Variants in EMC1 observed in about 807,000 individuals in gnomAD.
EMC1 encodes the protein KIAA0090.
Under a neutral mutation model 128.8 loss-of-function variants are expected in EMC1, and 103 were observed. The observed-to-expected ratio is 0.80, with a 90% CI of 0.68 to 0.94. The LOEUF (loss-of-function observed/expected upper bound fraction) is 0.94, where lower values mean the gene tolerates loss of function less well. Ranked by LOEUF, EMC1 falls within the 40% of genes least tolerant of loss-of-function variation. The pLI is 0.00. For missense variants in EMC1, 1,083 were observed against 1,250.6 expected (o/e 0.87, Z 2.02); for synonymous variants, 442 against 490.4 (o/e 0.90, Z 1.30).
intron 4 of EMC1, among the ~76,000 whole-genome samples, chr1:19,243,030 G>A (rs981288523): frequency 6.6e-6 from 1 of 152,220 alleles, no homozygotes; most frequent in Non-Finnish European, 1.5e-5. Flanking sequence ...GGGGTCAGGA[G>A]TTCGAGACCA....
At chr1:19,220,566 T>C (rs1480124855) in intron 21 of EMC1, 198 bp downstream of exon 21, 4 of 447,052 alleles carry the variant, frequency 8.9e-6, no homozygotes, top group Non-Finnish European at 1.6e-5. Context: ...TTTTACTTGT[T>C]TATCTTATGT....
At position 19,238,092 on chromosome 1, in the gene EMC1, G is replaced by A. The variant is rs201404380; in HGVS notation, c.1137C>T (p.Leu379=). ...FNQTYTINLY[L]VETGRRLLDT... is the part of the protein sequence containing the mutation. ...CCAGCAGCCGCCGACCTGTCTCCAC[G>A]AGGTATAGGTTAATGGTGTAGGTCT... Residue 379 remains leucine, a synonymous_variant, in exon 11 of 23, where the codon CTC becomes CTT. Coordinates refer to ENST00000477853, the MANE Select transcript of EMC1 (RefSeq NM_015047.3). 77 of 1,614,012 alleles carry A rather than the reference G, an allele frequency of 4.8e-5. No homozygotes were observed. The highest frequency in any genetic ancestry group is 6.0e-5 in the Non-Finnish European group (71 of 1,180,016).
rs1373361040 is a variant in EMC1 at position 19,230,877 on chromosome 1, C to G, written c.2031G>C (p.Glu677Asp). 1 of 1,614,218 alleles carries G rather than the reference C, an allele frequency of 6.2e-7. No individual in the cohort carries two copies. Among genetic ancestry groups the G allele is most frequent in the Non-Finnish European group, 8.5e-7 (1 of 1,180,042 alleles). ...GCCGATATCCACACAGCCGTCCCTG[C>G]TCTGCATCCACCAAATAGAAGAAGA... ...PSIFFYLVDA[E>D]QGRLCGYRLR... The change falls in exon 17 of 23, where the codon GAG becomes GAC. Residue 677 changes from glutamate (E) to aspartate (D), a missense_variant. By Grantham distance (45) the Glu-to-Asp change is conservative. This residue lies in a region of EMC1 where 527 missense variants were observed against 644.1 expected (regional missense o/e 0.82). Transcript: ENST00000477853.
chr1:19,226,467 T>TA (rs887594306), intron 18 of EMC1, among the ~76,000 whole-genome samples: 93 of 151,772 alleles, frequency 6.1e-4, no homozygotes, highest in African/African-American at 2.1e-3. Context: ...AATAAAAAAT[T>TA]AAAAAAAAAT....
chr1:19,222,641 G>T lies in EMC1; in HGVS notation c.2570C>A (p.Thr857Asn). 2 of 1,613,912 alleles carry T rather than the reference G, an allele frequency of 1.2e-6. No individual in the cohort carries two copies. Among genetic ancestry groups the T allele is most frequent in the Non-Finnish European group, 1.7e-6 (2 of 1,179,996 alleles). Residue 857 changes from threonine (T) to asparagine (N), a missense_variant, in exon 20 of 23, where the codon ACC (threonine) becomes AAC (asparagine). Thr to Asn is a moderately conservative substitution (Grantham distance 65, BLOSUM62 0). This residue lies in a region of EMC1 where 527 missense variants were observed against 644.1 expected (regional missense o/e 0.82). Coordinates refer to ENST00000477853, the MANE Select transcript of EMC1 (RefSeq NM_015047.3). ...TCACTCACTCAGCAGGTGTCGGCTG[G>T]TGATGCCCCGTTCGGTGATGGTGGC... The part of the protein sequence containing the change: ...MEATITERGI[T>N]SRHLLIGLPS...
Position 19,220,856 on chromosome 1 carries a change from G to C in EMC1, c.2588-8C>G. 6.8e-6 allele frequency: 11 copies of C among 1,606,384 alleles called. No homozygotes were observed. Among genetic ancestry groups the C allele is most frequent in the Non-Finnish European group, 9.4e-6 (11 of 1,174,062 alleles). On this transcript the variant is annotated splice_region_variant and splice_polypyrimidine_tract_variant and intron_variant, in intron 20 of 22. Coordinates refer to ENST00000477853, the MANE Select transcript of EMC1 (RefSeq NM_015047.3). ...CTCCAGAAGGTAGTCCAACTACACA[G>C]GAGGAAGTGAATGTTCACACCGATC...
chr1:19,231,491 A>T, intron 15 of EMC1, 69 bp from the exon 16 acceptor site: 5 of 1,487,464 alleles, frequency 3.4e-6, no homozygotes, highest in Non-Finnish European at 4.5e-6. Context: ...AGACCTGAAG[A>T]GCTGGGACTC....
At chr1:19,232,827 G>A in intron 14 of EMC1, 54 bp from the exon 15 acceptor site, 1 of 1,610,994 alleles carries the variant, frequency 6.2e-7, no homozygotes, top group Middle Eastern at 1.7e-4. Flanking sequence ...CCAAAGAACT[G>A]AGTCTGTCCT....
At chr1:19,232,855 G>A in intron 14 of EMC1, 81 bp downstream of exon 14, 3 of 1,603,726 alleles carry the variant, frequency 1.9e-6, no homozygotes. Context: ...TAGAACCAGT[G>A]TTATCCCTCA....
intron 13 of EMC1, chr1:19,234,277 G>T: frequency 1.6e-6 from 1 of 630,546 alleles, no homozygotes; most frequent in Non-Finnish European, 2.0e-6. Flanking sequence ...GCCTGGTCCA[G>T]AGCAGGCCCT....
At chr1:19,233,725 C>T (rs1181622211) in intron 13 of EMC1, among the ~76,000 whole-genome samples, 2 of 152,188 alleles carry the variant, frequency 1.3e-5, no homozygotes, top group African/African-American at 4.8e-5. Flanking sequence ...GATTTGTAAA[C>T]AGATGCAAGG....
chr1:19,241,252 G>T, intron 5 of EMC1, 110 bp from the exon 6 acceptor site: 1 of 1,298,476 alleles, frequency 7.7e-7, no homozygotes, highest in Non-Finnish European at 1.1e-6. Context: ...TTCCCAAATA[G>T]GTTTTGTTTG....
Position 19,219,290 on chromosome 1 carries a change from C to A in EMC1, c.*13G>T. 6.2e-7 allele frequency: 1 copy of A among 1,613,924 alleles called. No individual in the cohort carries two copies. The highest frequency in any genetic ancestry group is 1.1e-5 in the South Asian group (1 of 91,060). On this transcript the variant is annotated 3_prime_UTR_variant, in exon 23 of 23. Transcript: ENST00000477853. ...TCCCCTGGCTCTCCACTTTTAGGCA[C>A]AGTCTTTGTTCTTTATCGCCAGGCC...
chr1:19,220,036 A>C, intron 21 of EMC1: 2 of 256,482 alleles, frequency 7.8e-6, no homozygotes, highest in Non-Finnish European at 1.5e-5. Flanking sequence ...CCTGCTCTCC[A>C]CTCCAGGGTG....
chr1:19,220,727 AG>A (rs749620344), intron 21 of EMC1, 36 bp downstream of exon 21: 1 of 1,495,764 alleles, frequency 6.7e-7, no homozygotes, highest in East Asian at 2.3e-5. Context: ...AAGTTATGTA[AG>A]GTCAGAGCCT....
At chr1:19,242,198 C>G (rs951435527) in intron 5 of EMC1, 147 bp downstream of exon 5, 16 of 803,200 alleles carry the variant, frequency 2.0e-5, no homozygotes, top group Middle Eastern at 3.4e-4. Context: ...TCACAGCCTT[C>G]AAGATATTCT....
At position 19,240,410 on chromosome 1, in the gene EMC1, C is replaced by T; in HGVS notation, c.673G>A (p.Gly225Arg). The T allele has an allele frequency of 6.2e-7, 1 of 1,614,196 alleles. No individual in the cohort carries two copies. The highest frequency in any genetic ancestry group is 8.5e-7 in the Non-Finnish European group (1 of 1,180,032). ...VSTPWLQHLS[G>R]ACGVVDEAVL... ...GCCTCATCCACCACACCACAGGCTC[C>T]AGACAGGTGCTGCAGCCACGGAGTT... Residue 225 changes from glycine (G) to arginine (R), a missense_variant, in exon 7 of 23, where the codon GGA becomes AGA. Transcript: ENST00000477853.
At chr1:19,242,507 C>A in intron 4 of EMC1, 34 bp from the exon 5 acceptor site, 1 of 1,613,054 alleles carries the variant, frequency 6.2e-7, no homozygotes, top group Non-Finnish European at 8.5e-7. Context: ...GCAGCCCACA[C>A]CTGCAGAGCC....
intron 15 of EMC1, among the ~76,000 whole-genome samples, chr1:19,231,915 G>A (rs780583711): frequency 3.9e-5 from 6 of 151,956 alleles, no homozygotes; most frequent in African/African-American, 7.2e-5. Flanking sequence ...GAGCCACCGC[G>A]CCTGGCTGCT....
Sources: allele counts gnomAD v4.1 joint callset (sites outside exome capture counted in the v4.1 genomes callset), GRCh38; gene constraint gnomAD v4.1.1; regional missense constraint gnomAD v4.1.1; transcripts MANE v1.5; gene names NCBI Gene and HGNC (gene_info 2026-07-23, HGNC 2026-07-21).